Variants in FARP2 observed in about 807,000 individuals in gnomAD.
The protein encoded by FARP2 is FERM, ARH/RhoGEF and pleckstrin domain protein 2, also known as FERM, ARHGEF and pleckstrin domain-containing protein 2.
A neutral mutation model predicts 130.5 loss-of-function variants in FARP2; 111 were observed. The observed-to-expected ratio is 0.85, with a 90% CI of 0.73 to 1.00. The LOEUF (loss-of-function observed/expected upper bound fraction) is 1.00, where lower values mean the gene tolerates loss of function less well. Ranked by LOEUF, FARP2 falls within the 50% of genes least tolerant of loss-of-function variation. The pLI is 0.00. For synonymous variants in FARP2, 504 were observed against 516.9 expected (o/e 0.98, Z 0.34); for missense variants, 1,385 against 1,346.3 (o/e 1.03, Z -0.45).
In FARP2 at chr2:241,429,709, C is replaced by A. The variant is rs117734513; in HGVS notation, c.772-1970C>A. 1.6e-3 allele frequency among the ~76,000 whole-genome samples: 243 copies of A among 150,974 alleles called. 1 individual carries two copies. In the East Asian group the frequency reaches 0.032, roughly 20 times the overall value. On this transcript the variant is annotated intron_variant, in intron 8 of 26. Coordinates refer to ENST00000264042, the MANE Select transcript of FARP2 (RefSeq NM_014808.4). ...GACCAGCCTGGGCAACATAGCAAGA[C>A]CCCATCTCTACAAAAGGTCCTGCTG...
chr2:241,487,666 C>CAAAAA, intron 21 of FARP2, among the ~76,000 whole-genome samples: 1 of 115,364 alleles, frequency 8.7e-6, no homozygotes, highest in African/African-American at 3.3e-5. Context: ...GACTCCCTCT[C>CAAAAA]AAAAAAAAAA....
intron 7 of FARP2, among the ~76,000 whole-genome samples, chr2:241,414,083 A>T (rs143350613): frequency 3.1e-4 from 47 of 152,222 alleles, no homozygotes; most frequent in Non-Finnish European, 5.0e-4. Context: ...TACGGGGAAG[A>T]CACTGTGCTG....
rs752811488 is a variant in FARP2 at position 241,493,388 on chromosome 2, C to G, written c.2991C>G (p.Leu997=). 3.7e-6 allele frequency: 6 copies of G among 1,613,980 alleles called. No homozygotes were observed. The highest frequency in any genetic ancestry group is 4.2e-6 in the Non-Finnish European group (5 of 1,180,002). The part of the protein sequence containing the change: ...DGIHKDYVFK[L]QFKSHVYFFR... ...TACACAAAGACTATGTTTTCAAGCT[C>G]CAGTTCAAATCCCACGTCTACTTCT... Residue 997 remains leucine (L), a synonymous_variant, in exon 26 of 27, where the codon CTC becomes CTG. Coordinates refer to ENST00000264042, the MANE Select transcript of FARP2 (RefSeq NM_014808.4).
intron 13 of FARP2, chr2:241,442,510 C>T: frequency 2.2e-6 from 1 of 455,872 alleles, no homozygotes. Context: ...TCCAGGAGAG[C>T]AAATAGATAA....
chr2:241,356,793 C>T (rs1350742679), intron 1 of FARP2, among the ~76,000 whole-genome samples: 1 of 152,238 alleles, frequency 6.6e-6, no homozygotes, highest in African/African-American at 2.4e-5. Flanking sequence ...CCCGGAAGGA[C>T]ACCCCAGAGT....
At chr2:241,374,629 G>T (rs2061493483) in intron 2 of FARP2, among the ~76,000 whole-genome samples, 2 of 152,214 alleles carry the variant, frequency 1.3e-5, no homozygotes, top group Non-Finnish European at 2.9e-5. Context: ...GGGCAGTGAA[G>T]CTCTGAGCAA....
chr2:241,442,406 C>T lies in FARP2; in HGVS notation c.1411+850C>T, dbSNP rs1028990457. On this transcript the variant is annotated intron_variant, in intron 13 of 26. Coordinates refer to ENST00000264042, the MANE Select transcript of FARP2 (RefSeq NM_014808.4). ...TCATGGGACTCTGAAACCGAGGCCC[C>T]CCTAGACATAAGCCTTTTCTTCAGC... is the stretch of plus-strand genomic sequence containing the variant. The T allele has an allele frequency of 1.8e-5, 8 of 456,552 alleles. No individual in the cohort carries two copies. In the East Asian group the frequency reaches 2.1e-4, roughly 12 times the overall value. The allele number at this position is 456,552 out of a possible 1,614,324, so 28.3% of individuals were successfully genotyped here. A position where few individuals can be genotyped will look rare whatever the true frequency, so the allele number is the denominator to read the frequency against.
chr2:241,464,549 A>C (rs1306756747), intron 17 of FARP2, among the ~76,000 whole-genome samples: 2 of 148,688 alleles, frequency 1.3e-5, no homozygotes, highest in African/African-American at 2.5e-5. Context: ...GTCCCCCCTA[A>C]AGCAGGGTCC....
chr2:241,406,946 T>G (rs2062371030), intron 4 of FARP2, among the ~76,000 whole-genome samples: 1 of 152,134 alleles, frequency 6.6e-6, no homozygotes, highest in South Asian at 2.1e-4. Context: ...TAGCTGGGAC[T>G]ACAGTCACCC....
At chr2:241,463,059 CTA>C (rs2064068016) in intron 15 of FARP2, among the ~76,000 whole-genome samples, 1 of 152,186 alleles carries the variant, frequency 6.6e-6, no homozygotes, top group Non-Finnish European at 1.5e-5. Flanking sequence ...TGTTTTAAAA[CTA>C]TTCTAAGTCA....
chr2:241,402,876 ATATATTTTTT>A (rs2062226553), intron 2 of FARP2, among the ~76,000 whole-genome samples: 14 of 10,442 alleles, frequency 1.3e-3, no homozygotes, highest in East Asian at 0.012. Context: ...ATATATATAT[ATATATTTTTT>A]TTTTTTTTTT....
intron 8 of FARP2, among the ~76,000 whole-genome samples, chr2:241,422,308 A>T (rs927030741): frequency 2.0e-5 from 3 of 150,750 alleles, no homozygotes; most frequent in African/African-American, 7.3e-5. Flanking sequence ...TAGGCTGAGG[A>T]GGGAGAACTG....
At chr2:241,448,099 A>C (rs972002377) in intron 13 of FARP2, among the ~76,000 whole-genome samples, 24 of 152,172 alleles carry the variant, frequency 1.6e-4, no homozygotes, top group Admixed American at 3.9e-4. Context: ...ACTTGTCAGA[A>C]CAAACTCATG....
At chr2:241,401,495 A>T (rs1326758644) in intron 2 of FARP2, among the ~76,000 whole-genome samples, 1 of 152,144 alleles carries the variant, frequency 6.6e-6, no homozygotes, top group Non-Finnish European at 1.5e-5. Flanking sequence ...CGTTTTATAC[A>T]TTGTATAGAA....
intron 23 of FARP2, among the ~76,000 whole-genome samples, 163 bp from the exon 24 acceptor site, chr2:241,491,353 C>T (rs1408527995): frequency 6.6e-6 from 1 of 152,216 alleles, no homozygotes; most frequent in Non-Finnish European, 1.5e-5. Context: ...CAATCAGCTG[C>T]TCTGGCAGAA....
intron 13 of FARP2, chr2:241,456,376 G>A (rs10211512): frequency 0.017 from 2,930 of 170,066 alleles, 95 homozygotes; most frequent in African/African-American, 0.066. Flanking sequence ...GTGTTCCCCC[G>A]TCCTGGTGGT....
intron 1 of FARP2, among the ~76,000 whole-genome samples, chr2:241,363,566 T>C (rs1162036386): frequency 6.6e-6 from 1 of 152,250 alleles, no homozygotes; most frequent in Non-Finnish European, 1.5e-5. Context: ...CACTGAGCTA[T>C]GCACGCGTGA....
At chr2:241,397,742 C>T (rs1439190565) in intron 2 of FARP2, among the ~76,000 whole-genome samples, 1 of 151,472 alleles carries the variant, frequency 6.6e-6, no homozygotes, top group Non-Finnish European at 1.5e-5. Flanking sequence ...AGGCGAAGTT[C>T]ACAGCTCAGA....
chr2:241,471,851 G>A (rs372595706), intron 18 of FARP2, among the ~76,000 whole-genome samples: 1 of 151,496 alleles, frequency 6.6e-6, no homozygotes, highest in Non-Finnish European at 1.5e-5. Flanking sequence ...TTGTGAGGAC[G>A]CTGTTCTGAA....
Sources: allele counts gnomAD v4.1 joint callset (sites outside exome capture counted in the v4.1 genomes callset), GRCh38; gene constraint gnomAD v4.1.1; transcripts MANE v1.5; gene names NCBI Gene and HGNC (gene_info 2026-07-23, HGNC 2026-07-21).